MRNIP: variants seen among roughly 807,000 people sequenced by gnomAD.
MRNIP encodes the protein MRN complex interacting protein.
MRNIP carries 30 observed loss-of-function variants against 29.8 expected under a neutral mutation model. That is an observed-to-expected ratio of 1.01 (90% CI 0.75 to 1.36). MRNIP has a LOEUF of 1.36. MRNIP is among the 40% of genes most tolerant of loss of function. The pLI is 0.00. For synonymous variants in MRNIP, 201 were observed against 164.1 expected, an observed-to-expected ratio of 1.23 and a Z score of -1.72; for missense variants, 459 against 423.5, an observed-to-expected ratio of 1.08 and a Z score of -0.74.
At position 179,841,973 on chromosome 5, in the gene MRNIP, C is replaced by T; in HGVS notation, c.383G>A (p.Ser128Asn). 1.9e-6 allele frequency: 3 copies of T among 1,614,188 alleles called. No homozygotes were observed. Among genetic ancestry groups the T allele is most frequent in the Non-Finnish European group, 2.5e-6 (3 of 1,180,040 alleles). ...CTCCATTTTGGATGAAGGCTGTTTG[C>T]TGAAACACACTCCTGTTCCTTCCAG... ...LELEGTGVCFSKQPSSKMEEP... is the reference protein window; with the variant it reads ...LELEGTGVCFNKQPSSKMEEP... Residue 128 changes from serine to asparagine, a missense_variant, in exon 5 of 7, where the codon AGC (serine) becomes AAC (asparagine). Physicochemically the swap from Ser to Asn is conservative, Grantham distance 46. Coordinates refer to ENST00000292586, the MANE Select transcript of MRNIP (RefSeq NM_016175.4).
intron 6 of MRNIP, chr5:179,840,585 C>T (rs747137621): frequency 1.4e-4 from 81 of 565,300 alleles, no homozygotes; most frequent in Admixed American, 5.9e-4. Flanking sequence ...GACGATGGCC[C>T]TGACCCATCG....
intron 3 of MRNIP, chr5:179,847,481 T>C (rs772414435): frequency 2.0e-4 from 31 of 154,780 alleles, no homozygotes; most frequent in Non-Finnish European, 3.6e-4. Context: ...AGTTACTTTC[T>C]TGTCAGCTCA....
chr5:179,857,415 C>A (rs1010722466), intron 1 of MRNIP, among the ~76,000 whole-genome samples: 1 of 151,946 alleles, frequency 6.6e-6, no homozygotes, highest in African/African-American at 2.4e-5. Context: ...GAGCCGAGAT[C>A]ACGCTACTGC....
Position 179,841,860 on chromosome 5 carries a change from G to A in MRNIP, c.449+47C>T, listed in dbSNP as rs371590317. 241 of 1,585,074 alleles carry A rather than the reference G, an allele frequency of 1.5e-4. 1 individual carries two copies. The highest frequency in any genetic ancestry group is 1.5e-4 in the Non-Finnish European group (179 of 1,160,660). On this transcript the variant is annotated intron_variant, in intron 5 of 6. Coordinates refer to ENST00000292586, the MANE Select transcript of MRNIP (RefSeq NM_016175.4). ...GCTCACTGGTGCCCCACTGCTGGAG[G>A]CAGCAGAGGCCCTGGGCCAGGGCTG...
rs766575419 is a variant in MRNIP at position 179,842,807 on chromosome 5, C to T, written c.292-743G>A. Among the ~76,000 whole-genome samples the T allele has an allele frequency of 2.3e-4, 34 of 146,182 alleles. No homozygotes were observed. The East Asian group carries it at 6.3e-3, about 27-fold the overall frequency. On this transcript the variant is annotated intron_variant, in intron 4 of 6. Transcript: ENST00000292586. ...TAGCACCGTGGGAGGCTGAGGCGGG[C>T]GGGTCACCTGAGCTCAGGAGTTCAA...
At position 179,842,067 on chromosome 5, in the gene MRNIP, G is replaced by C. The variant is rs1296300829; in HGVS notation, c.292-3C>G. On this transcript the variant is annotated splice_region_variant and splice_polypyrimidine_tract_variant and intron_variant, in intron 4 of 6. Coordinates refer to ENST00000292586, the MANE Select transcript of MRNIP (RefSeq NM_016175.4). ...CTCTCTGAGGGCTGCGATTTTTCCT[G>C]CCAGATTGAGAAAAAAGTTGATTCT... is the stretch of plus-strand genomic sequence containing the variant. 5 of 1,612,356 alleles carry C rather than the reference G, an allele frequency of 3.1e-6. No homozygotes were observed. Among genetic ancestry groups the C allele is most frequent in the Non-Finnish European group, 4.2e-6 (5 of 1,179,580 alleles).
rs925116117 is a variant in MRNIP, at chr5:179,852,896, G to A, written c.126+482C>T. On this transcript the variant is annotated intron_variant, in intron 2 of 6. Transcript: ENST00000292586. ...GAGCATTTACAGCCTGCCCCTGCCT[G>A]CCTCCACTTCCTGAGCCCACTATCC... 3.3e-5 allele frequency among the ~76,000 whole-genome samples: 5 copies of A among 152,328 alleles called. 1 individual carries two copies. The highest frequency in any genetic ancestry group is 3.3e-4 in the Admixed American group (5 of 15,300).
intron 2 of MRNIP, 106 bp from the exon 3 acceptor site, chr5:179,848,172 G>A: frequency 1.2e-6 from 1 of 826,932 alleles, no homozygotes; most frequent in Non-Finnish European, 2.1e-6. Context: ...ATTCTGCAAG[G>A]CCCAAAGACC....
At chr5:179,843,049 G>GGAAGGAAA (rs1758972123) in intron 4 of MRNIP, among the ~76,000 whole-genome samples, 1 of 108,888 alleles carries the variant, frequency 9.2e-6, no homozygotes, top group Non-Finnish European at 1.9e-5. Flanking sequence ...AAAGAAGGAA[G>GGAAGGAAA]GAAGGAAGGA....
intron 4 of MRNIP, among the ~76,000 whole-genome samples, chr5:179,842,631 C>T (rs1440109642): frequency 5.0e-5 from 6 of 120,050 alleles, no homozygotes; most frequent in African/African-American, 9.5e-5. Context: ...ACCCGGGAGG[C>T]GGGGCCTGCA....
At chr5:179,840,771 C>T (rs766154147) in intron 6 of MRNIP, 101 bp downstream of exon 6, 9 of 892,034 alleles carry the variant, frequency 1.0e-5, no homozygotes, top group South Asian at 4.4e-5. Flanking sequence ...GGGCTTTCTG[C>T]GGGTAGGAAT....
intron 6 of MRNIP, 111 bp downstream of exon 6, chr5:179,840,761 G>T: frequency 1.2e-6 from 1 of 827,016 alleles, no homozygotes; most frequent in Non-Finnish European, 2.0e-6. Flanking sequence ...GTGGGAAGAT[G>T]GGCTTTCTGC....
chr5:179,856,237 C>A (rs1759574521), intron 1 of MRNIP, among the ~76,000 whole-genome samples: 2 of 151,992 alleles, frequency 1.3e-5, no homozygotes, highest in African/African-American at 4.8e-5. Context: ...TTAGGACTCA[C>A]AGAACCTGGT....
At chr5:179,841,413 G>C (rs997162444) in intron 5 of MRNIP, 3 of 181,772 alleles carry the variant, frequency 1.7e-5, no homozygotes, top group African/African-American at 7.1e-5. Context: ...ACAGGTGTGA[G>C]CCACTGTACC....
intron 5 of MRNIP, 102 bp downstream of exon 5, chr5:179,841,805 G>T: frequency 7.8e-7 from 1 of 1,287,434 alleles, no homozygotes; most frequent in Non-Finnish European, 1.1e-6. Flanking sequence ...TGCCACCTAG[G>T]CTTCCCGCGC....
intron 3 of MRNIP, among the ~76,000 whole-genome samples, chr5:179,846,701 G>T (rs1163639417): frequency 1.3e-5 from 2 of 152,220 alleles, no homozygotes; most frequent in South Asian, 4.1e-4. Flanking sequence ...TTCACACAGG[G>T]TATGTAAAAG....
chr5:179,837,879 C>T lies in MRNIP; in HGVS notation c.544G>A (p.Ala182Thr). Residue 182 changes from alanine (A) to threonine (T), a missense_variant, in exon 7 of 7, where the codon GCT (alanine) becomes ACT (threonine). Ala to Thr is a moderately conservative substitution (Grantham distance 58). Coordinates refer to ENST00000292586, the MANE Select transcript of MRNIP (RefSeq NM_016175.4). ...EVAWGPQKGQ[A>T]GLTWKVKQGS... ...TGTTTCACCTTCCATGTCAGGCCAGCCTGTCCCTGAAAGAGAAGATGGCCA... is the reference window on the plus strand; with the variant it reads ...TGTTTCACCTTCCATGTCAGGCCAGTCTGTCCCTGAAAGAGAAGATGGCCA... The T allele has an allele frequency of 6.2e-7, 1 of 1,604,024 alleles. No homozygotes were observed. The highest frequency in any genetic ancestry group is 8.5e-7 in the Non-Finnish European group (1 of 1,178,824).
intron 1 of MRNIP, among the ~76,000 whole-genome samples, 154 bp downstream of exon 1, chr5:179,858,577 G>A (rs1759701510): frequency 6.6e-6 from 1 of 152,220 alleles, no homozygotes; most frequent in Non-Finnish European, 1.5e-5. Flanking sequence ...ACGTTATGCG[G>A]GGGCGACCCC....
rs1287532181 is a variant in MRNIP at position 179,853,444 on chromosome 5, T to A, written c.67-7A>T. 6.2e-7 allele frequency: 1 copy of A among 1,606,722 alleles called. No homozygotes were observed. The highest frequency in any genetic ancestry group is 2.2e-5 in the East Asian group (1 of 44,798). On this transcript the variant is annotated splice_region_variant and splice_polypyrimidine_tract_variant and intron_variant, in intron 1 of 6. Coordinates refer to ENST00000292586, the MANE Select transcript of MRNIP (RefSeq NM_016175.4). ...ACTTGACACTCTTTTTTACCTGCAA[T>A]GAAATTTCAGAAATACAACTCAGAT...
Sources: gnomAD v4.1 joint callset for allele counts (sites outside exome capture counted in the v4.1 genomes callset) on GRCh38, gnomAD v4.1.1 for gene constraint, MANE v1.5 for transcripts, NCBI Gene and HGNC (gene_info 2026-07-23, HGNC 2026-07-21) for gene names.